Variants in PTPRN2 observed in about 807,000 individuals in gnomAD.
The protein encoded by PTPRN2 is protein tyrosine phosphatase receptor type N2, also known as receptor-type tyrosine-protein phosphatase N2.
In PTPRN2, 74 loss-of-function variants were observed where a neutral mutation model predicts 118.8. That is an observed-to-expected ratio of 0.62 (90% CI 0.52 to 0.76). The LOEUF (loss-of-function observed/expected upper bound fraction) is 0.76. PTPRN2 is among the 30% of genes least tolerant of loss of function. The pLI, the probability that PTPRN2 is intolerant of heterozygous loss-of-function variation, is 0.00. For synonymous variants in PTPRN2, 641 were observed against 608.0 expected, an observed-to-expected ratio of 1.05 and a Z score of -0.80; for missense variants, 1,481 against 1,394.4, an observed-to-expected ratio of 1.06 and a Z score of -0.99.
chr7:157,955,817 C>G (rs555374439), intron 11 of PTPRN2, among the ~76,000 whole-genome samples: 33 of 152,296 alleles, frequency 2.2e-4, no homozygotes, highest in Admixed American at 1.7e-3. Context: ...CAGTTTGCAC[C>G]CAGCTCTGGG....
chr7:158,141,151 G>A (rs988758419), intron 6 of PTPRN2, among the ~76,000 whole-genome samples: 1 of 152,248 alleles, frequency 6.6e-6, no homozygotes, highest in African/African-American at 2.4e-5. Context: ...ATCCCACTGC[G>A]ACCCTCTGCC....
chr7:157,696,422 C>A (rs35511473), intron 12 of PTPRN2, among the ~76,000 whole-genome samples: 10 of 124,746 alleles, frequency 8.0e-5, no homozygotes, highest in Non-Finnish European at 1.7e-4. Context: ...GAGCCCTCAC[C>A]ATCTACCCAT....
chr7:158,381,172 A>G (rs976127572), intron 2 of PTPRN2, among the ~76,000 whole-genome samples: 4 of 152,206 alleles, frequency 2.6e-5, no homozygotes, highest in African/African-American at 7.2e-5. Flanking sequence ...CTTGTTACTT[A>G]GGCAAATTTC....
At chr7:157,942,137 G>T (rs184784353) in intron 11 of PTPRN2, among the ~76,000 whole-genome samples, 2 of 88,236 alleles carry the variant, frequency 2.3e-5, no homozygotes, top group Admixed American at 2.4e-4. Context: ...CCTTCCACAC[G>T]CACAGGGGTC....
intron 12 of PTPRN2, among the ~76,000 whole-genome samples, chr7:157,850,849 A>G (rs1009121728): frequency 6.6e-6 from 1 of 152,240 alleles, no homozygotes; most frequent in East Asian, 1.9e-4. Context: ...GTGCCACATC[A>G]ATGTGTAAAA....
chr7:157,777,765 T>A (rs752943655), intron 12 of PTPRN2, among the ~76,000 whole-genome samples: 4 of 152,252 alleles, frequency 2.6e-5, no homozygotes, highest in Non-Finnish European at 5.9e-5. Flanking sequence ...TCAGTCTGCA[T>A]GCAATGCCTA....
At chr7:158,122,604 G>A (rs1035678094) in intron 9 of PTPRN2, among the ~76,000 whole-genome samples, 1 of 152,190 alleles carries the variant, frequency 6.6e-6, no homozygotes, top group South Asian at 2.1e-4. Context: ...TGTGCTGGAC[G>A]CCACACTGAG....
intron 2 of PTPRN2, among the ~76,000 whole-genome samples, chr7:158,329,858 G>A (rs79959648): frequency 6.6e-6 from 1 of 152,126 alleles, no homozygotes; most frequent in African/African-American, 2.4e-5. Context: ...ACTTTAGACT[G>A]TAGATGCCAG....
chr7:158,264,902 C>T (rs538017832), intron 3 of PTPRN2, among the ~76,000 whole-genome samples: 2 of 152,222 alleles, frequency 1.3e-5, no homozygotes, highest in African/African-American at 4.8e-5. Flanking sequence ...TTTTGGGGTC[C>T]TCCTCCTCTT....
rs184655275 is a variant in PTPRN2 at position 158,554,294 on chromosome 7, G to A, written c.112+33264C>T. Reference sequence around the variant, plus strand: ...AACAACAACAAGAAAAACAGAGACCGAAACCAGAGAGGGTCCTTGTGCAAC... The same window carrying A: ...AACAACAACAAGAAAAACAGAGACCAAAACCAGAGAGGGTCCTTGTGCAAC... On this transcript the variant is annotated intron_variant, in intron 1 of 22. Transcript: ENST00000389418. Among the ~76,000 whole-genome samples the A allele has an allele frequency of 8.5e-5, 13 of 152,320 alleles. No individual in the cohort carries two copies. The East Asian group carries it at 1.7e-3, about 20-fold the overall frequency.
At position 158,075,810 on chromosome 7, in the gene PTPRN2, C is replaced by T. The variant is rs367796642; in HGVS notation, c.1723+5488G>A. 2.3e-4 allele frequency among the ~76,000 whole-genome samples: 35 copies of T among 152,316 alleles called. No individual in the cohort carries two copies. The South Asian group carries it at 5.6e-3, about 24-fold the overall frequency. ...TGGCTGCGGAGCAGCAGGATGAGCA[C>T]GAGCCCCACGCCAGCCACAGCTGGA... On this transcript the variant is annotated intron_variant, in intron 11 of 22. Coordinates refer to ENST00000389418, the MANE Select transcript of PTPRN2 (RefSeq NM_002847.5).
At chr7:158,207,513 A>G (rs1039496976) in intron 3 of PTPRN2, among the ~76,000 whole-genome samples, 27 of 152,152 alleles carry the variant, frequency 1.8e-4, no homozygotes, top group Admixed American at 1.6e-3. Flanking sequence ...TGAACAGGCA[A>G]CCTACAAAAT....
chr7:157,696,819 A>C (rs2530402), intron 12 of PTPRN2, among the ~76,000 whole-genome samples: 1,755 of 33,602 alleles, frequency 0.052, 1 homozygote, highest in Middle Eastern at 0.071. Context: ...CACCATCTAC[A>C]CATGCATACT....
At chr7:157,888,736 A>G (rs1031124415) in intron 12 of PTPRN2, among the ~76,000 whole-genome samples, 5 of 152,206 alleles carry the variant, frequency 3.3e-5, no homozygotes, top group African/African-American at 1.2e-4. Flanking sequence ...ACCACGGTCA[A>G]TGGGTGACGG....
intron 3 of PTPRN2, among the ~76,000 whole-genome samples, chr7:158,220,929 A>T (rs1187121514): frequency 2.0e-5 from 3 of 152,214 alleles, no homozygotes; most frequent in Non-Finnish European, 4.4e-5. Flanking sequence ...AGCAAAAAGA[A>T]CAAAGCTGGA....
intron 10 of PTPRN2, among the ~76,000 whole-genome samples, chr7:158,105,011 T>G (rs1257036205): frequency 7.2e-6 from 1 of 139,182 alleles, no homozygotes; most frequent in African/African-American, 2.8e-5. Context: ...CCCAGCTCCA[T>G]CAAACTCCAT....
intron 3 of PTPRN2, 68 bp downstream of exon 3, chr7:158,316,751 A>G: frequency 8.4e-7 from 1 of 1,187,832 alleles, no homozygotes; most frequent in South Asian, 1.5e-5. Flanking sequence ...ACCGCCCAGG[A>G]GGAGAAGCCA....
At position 157,596,692 on chromosome 7, in the gene PTPRN2, G is replaced by C. The variant is rs978679724; in HGVS notation, c.2419-1377C>G. Among the ~76,000 whole-genome samples the C allele has an allele frequency of 6.6e-6, 1 of 152,234 alleles. No individual in the cohort carries two copies. The highest frequency in any genetic ancestry group is 1.9e-4 in the East Asian group (1 of 5,172). On this transcript the variant is annotated intron_variant, in intron 16 of 22. Transcript: ENST00000389418. The surrounding 1 kb of genome is among the most constrained non-coding windows in gnomAD (Gnocchi z 4.2). The stretch of plus-strand genomic sequence containing the variant: ...CCTCCCAGAAGCATCTGCAGAGACC[G>C]ACCCCCGGAGAGCCGGATGCTGCGC...
chr7:158,136,797 G>A (rs1393524107), intron 7 of PTPRN2, 102 bp from the exon 8 acceptor site: 8 of 1,094,936 alleles, frequency 7.3e-6, no homozygotes, highest in South Asian at 2.6e-5. Flanking sequence ...CATACGAAAG[G>A]TGAGGTGTGA....
Sources: allele counts gnomAD v4.1 joint callset (sites outside exome capture counted in the v4.1 genomes callset), GRCh38; gene constraint gnomAD v4.1.1; non-coding constraint Gnocchi (gnomAD v3.1); transcripts MANE v1.5; gene names NCBI Gene and HGNC (gene_info 2026-07-23, HGNC 2026-07-21).